The following CDC42BPA variants were observed in gnomAD, a reference collection of about 807,000 sequenced individuals.
CDC42BPA encodes the protein CDC42 binding protein kinase alpha.
A neutral mutation model predicts 223.5 loss-of-function variants in CDC42BPA; 80 were observed. That is an observed-to-expected ratio of 0.36 (90% CI 0.30 to 0.43). The LOEUF (loss-of-function observed/expected upper bound fraction) is 0.43. Ranked by LOEUF, CDC42BPA falls within the 20% of genes least tolerant of loss-of-function variation. The probability of loss-of-function intolerance (pLI) is 1.00; values close to 1 mark genes in which losing one functional copy is unlikely to be tolerated. For synonymous variants in CDC42BPA, 694 were observed against 718.6 expected (o/e 0.97, Z 0.55); for missense variants, 1,743 against 2,099.9 (o/e 0.83, Z 3.32).
At chr1:227,019,482 C>T (rs1346505988) in intron 32 of CDC42BPA, among the ~76,000 whole-genome samples, 3 of 152,196 alleles carry the variant, frequency 2.0e-5, no homozygotes, top group Non-Finnish European at 4.4e-5. Flanking sequence ...CCATGAATCA[C>T]ATACGTTCTT....
chr1:227,167,922 T>C (rs1665324073), intron 5 of CDC42BPA, among the ~76,000 whole-genome samples: 1 of 105,248 alleles, frequency 9.5e-6, no homozygotes, highest in Admixed American at 1.0e-4. Flanking sequence ...TGGCAATAAA[T>C]TCTTCTGTTC....
At chr1:227,009,611 C>T (rs909374721) in intron 34 of CDC42BPA, among the ~76,000 whole-genome samples, 3 of 151,882 alleles carry the variant, frequency 2.0e-5, no homozygotes, top group Non-Finnish European at 2.9e-5. Context: ...AATGGGGTCT[C>T]GCTATGGTTG....
intron 5 of CDC42BPA, among the ~76,000 whole-genome samples, chr1:227,168,500 T>TTTTTTTTTTTG (rs1665507029): frequency 8.1e-6 from 1 of 123,652 alleles, no homozygotes; most frequent in Non-Finnish European, 1.7e-5. Context: ...CCCTGGTGTT[T>TTTTTTTTTTTG]TTTTTTTTTT....
intron 2 of CDC42BPA, among the ~76,000 whole-genome samples, chr1:227,252,957 C>A (rs995092000): frequency 2.0e-5 from 3 of 152,072 alleles, no homozygotes; most frequent in South Asian, 2.1e-4. Flanking sequence ...AAAATAATAT[C>A]AAGACTATCA....
intron 19 of CDC42BPA, 81 bp from the exon 20 acceptor site, chr1:227,072,380 C>T (rs753205245): frequency 2.1e-5 from 16 of 778,606 alleles, no homozygotes; most frequent in Non-Finnish European, 3.5e-5. Context: ...GCCAAACTTA[C>T]TTGGTTTAAA....
chr1:227,245,513 ACTC>A (rs1303789961), intron 2 of CDC42BPA, among the ~76,000 whole-genome samples: 2 of 151,462 alleles, frequency 1.3e-5, no homozygotes, highest in Non-Finnish European at 2.9e-5. Context: ...CTGGTCTCAA[ACTC>A]CTGACCTCAG....
At chr1:227,251,048 GT>G (rs1681918006) in intron 2 of CDC42BPA, among the ~76,000 whole-genome samples, 2 of 152,114 alleles carry the variant, frequency 1.3e-5, no homozygotes, top group Non-Finnish European at 2.9e-5. Flanking sequence ...GCAAAACTTT[GT>G]CTCTAAATAT....
intron 34 of CDC42BPA, among the ~76,000 whole-genome samples, chr1:227,005,372 G>A (rs866569050): frequency 6.6e-6 from 1 of 152,140 alleles, no homozygotes; most frequent in South Asian, 2.1e-4. Flanking sequence ...TTTTTTGTTT[G>A]TAAACACAGT....
Position 227,035,598 on chromosome 1 carries a change from A to AATCC in CDC42BPA, c.3205_3208dup (p.Phe1070TrpfsTer21). ...GTTTACACAAGTTATATGGCATGAG[A>AATCC]ATCCACACACTTTTAGAGGGAAAAA... On this transcript the variant is annotated frameshift_variant, in exon 25 of 37. Coordinates refer to ENST00000366766, the MANE Select transcript of CDC42BPA (RefSeq NM_001394014.1). LOFTEE classifies it high-confidence loss of function. 6.3e-7 allele frequency: 1 copy of AATCC among 1,586,888 alleles called. No homozygotes were observed. The highest frequency in any genetic ancestry group is 8.5e-7 in the Non-Finnish European group (1 of 1,173,670).
rs974204055 is a variant in CDC42BPA, at chr1:227,291,487, T to A, written c.178+25518A>T. 6.6e-5 allele frequency among the ~76,000 whole-genome samples: 10 copies of A among 152,202 alleles called. No homozygotes were observed. The East Asian group carries it at 1.9e-3, about 29-fold the overall frequency. On this transcript the variant is annotated intron_variant, in intron 1 of 36. Coordinates refer to ENST00000366766, the MANE Select transcript of CDC42BPA (RefSeq NM_001394014.1). ...TCGCTTGAATCCAGGAGGCGGAGGT[T>A]GTAGTGAGCCAAAGTCACACCACTG...
rs190645909 is a variant in CDC42BPA at position 227,067,160 on chromosome 1, G to C, written c.2904+2617C>G. ...TAATAGAGGGTAGAAGATGAGAAAG[G>C]ATATTCCTGGAGGAAAAGTAACACT... On this transcript the variant is annotated intron_variant, in intron 21 of 36. Transcript: ENST00000366766. Among the ~76,000 whole-genome samples the C allele has an allele frequency of 3.4e-4, 52 of 152,240 alleles. 1 individual carries two copies. In the Middle Eastern group the frequency reaches 0.01, roughly 30 times the overall value.
At chr1:227,022,207 G>A (rs1296010869) in intron 32 of CDC42BPA, among the ~76,000 whole-genome samples, 2 of 152,070 alleles carry the variant, frequency 1.3e-5, no homozygotes, top group African/African-American at 4.8e-5. Context: ...TGAGGCAGGT[G>A]GATCATTTGA....
chr1:227,150,463 T>C (rs1024279776), intron 6 of CDC42BPA, among the ~76,000 whole-genome samples: 6 of 152,088 alleles, frequency 3.9e-5, no homozygotes, highest in African/African-American at 9.7e-5. Context: ...GAAAAAATAA[T>C]TGTCAATATA....
intron 1 of CDC42BPA, among the ~76,000 whole-genome samples, chr1:227,297,876 T>C (rs968316174): frequency 6.6e-6 from 1 of 150,778 alleles, no homozygotes; most frequent in Non-Finnish European, 1.5e-5. Context: ...TTATACATTT[T>C]GAAATGTAAT....
At chr1:227,316,568 C>T (rs1254824200) in intron 1 of CDC42BPA, among the ~76,000 whole-genome samples, 3 of 152,146 alleles carry the variant, frequency 2.0e-5, no homozygotes, top group African/African-American at 7.2e-5. Flanking sequence ...TTCTGTTGAC[C>T]TAAGGCAAAC....
At chr1:227,131,033 G>A (rs1656991969) in intron 10 of CDC42BPA, among the ~76,000 whole-genome samples, 2 of 152,044 alleles carry the variant, frequency 1.3e-5, no homozygotes, top group Non-Finnish European at 1.5e-5. Context: ...CTGCTTATGT[G>A]GTTATCCACT....
At chr1:227,167,485 T>G (rs1337756692) in intron 5 of CDC42BPA, among the ~76,000 whole-genome samples, 4 of 152,202 alleles carry the variant, frequency 2.6e-5, no homozygotes, top group Non-Finnish European at 5.9e-5. Flanking sequence ...CACTTTCTTC[T>G]CTATTTTTTC....
At chr1:227,190,791 G>A (rs1669577497) in intron 5 of CDC42BPA, among the ~76,000 whole-genome samples, 1 of 152,096 alleles carries the variant, frequency 6.6e-6, no homozygotes, top group South Asian at 2.1e-4. Flanking sequence ...ATTTTAAGGA[G>A]CACATTAACA....
At chr1:227,018,779 G>A (rs901631169) in intron 32 of CDC42BPA, among the ~76,000 whole-genome samples, 1 of 152,120 alleles carries the variant, frequency 6.6e-6, no homozygotes, top group African/African-American at 2.4e-5. Flanking sequence ...TATACATTAT[G>A]TTTACATTAT....
Sources: gnomAD v4.1 joint callset for allele counts (sites outside exome capture counted in the v4.1 genomes callset) on GRCh38, gnomAD v4.1.1 for gene constraint, MANE v1.5 for transcripts, NCBI Gene and HGNC (gene_info 2026-07-23, HGNC 2026-07-21) for gene names.